Variants in SULF1 observed in about 807,000 individuals in gnomAD.
The protein encoded by SULF1 is extracellular sulfatase Sulf-1.
In SULF1, 46 loss-of-function variants were observed where a neutral mutation model predicts 110.5. The ratio of observed to expected loss-of-function variants is 0.42; its 90% CI spans 0.33 to 0.53. The LOEUF (loss-of-function observed/expected upper bound fraction) is 0.53, where lower values mean the gene tolerates loss of function less well. SULF1 is among the 20% of genes least tolerant of loss of function. The pLI is 0.12. For missense variants in SULF1, 941 were observed against 1,094.2 expected, an observed-to-expected ratio of 0.86 and a Z score of 1.98; for synonymous variants, 371 against 387.1, an observed-to-expected ratio of 0.96 and a Z score of 0.49.
At chr8:69,640,146 G>GGAAA (rs1169272374) in intron 21 of SULF1, among the ~76,000 whole-genome samples, 115 of 143,902 alleles carry the variant, frequency 8.0e-4, no homozygotes, top group Middle Eastern at 3.7e-3. Context: ...AAGGAAGGAA[G>GGAAA]GAAAGAAAGA....
intron 3 of SULF1, among the ~76,000 whole-genome samples, chr8:69,522,242 G>A (rs1241827010): frequency 6.6e-6 from 1 of 152,014 alleles, no homozygotes; most frequent in Admixed American, 6.6e-5. Context: ...GTAGAGATGG[G>A]GTTTCACCAT....
rs76184224 is a variant in SULF1 at position 69,511,969 on chromosome 8, C to T, written c.-134+10001C>T. Reference sequence around the variant, plus strand: ...TTCTATTTTGCCATTATTAAGATTCCCTCATTGAAAGATGAAAATAAAATT... The same window carrying T: ...TTCTATTTTGCCATTATTAAGATTCTCTCATTGAAAGATGAAAATAAAATT... On this transcript the variant is annotated intron_variant, in intron 3 of 22. Coordinates refer to ENST00000402687, the MANE Select transcript of SULF1 (RefSeq NM_001128205.2). 2.0e-5 allele frequency among the ~76,000 whole-genome samples: 3 copies of T among 152,028 alleles called. No individual in the cohort carries two copies. In the East Asian group the frequency reaches 5.8e-4, roughly 29 times the overall value.
intron 1 of SULF1, among the ~76,000 whole-genome samples, chr8:69,470,920 G>A (rs1013411566): frequency 1.3e-5 from 2 of 152,038 alleles, no homozygotes; most frequent in African/African-American, 4.8e-5. Context: ...AACCACTCTA[G>A]TTTTCTATCT....
intron 3 of SULF1, among the ~76,000 whole-genome samples, chr8:69,534,832 C>T (rs1031595207): frequency 1.3e-5 from 2 of 150,578 alleles, no homozygotes; most frequent in East Asian, 1.9e-4. Context: ...TAAACATAGA[C>T]GTCATCATTC....
At chr8:69,533,962 A>G (rs572632555) in intron 3 of SULF1, among the ~76,000 whole-genome samples, 4 of 152,248 alleles carry the variant, frequency 2.6e-5, no homozygotes, top group Non-Finnish European at 5.9e-5. Flanking sequence ...TGCAATGTTC[A>G]GTGCTAAAGT....
chr8:69,575,231 T>A (rs1805519283), intron 5 of SULF1, among the ~76,000 whole-genome samples: 1 of 152,084 alleles, frequency 6.6e-6, no homozygotes, highest in Non-Finnish European at 1.5e-5. Flanking sequence ...TCAGCAATCT[T>A]ACGTTACCAG....
intron 5 of SULF1, among the ~76,000 whole-genome samples, chr8:69,565,180 G>A (rs1815784113): frequency 6.6e-6 from 1 of 151,914 alleles, no homozygotes; most frequent in African/African-American, 2.4e-5. Context: ...TAAAAAGCCA[G>A]CAGATGTCAT....
In SULF1 at chr8:69,659,124, C is replaced by T. The variant is rs1232180461; in HGVS notation, c.*589C>T. 2 of 456,782 alleles carry T rather than the reference C, an allele frequency of 4.4e-6. No individual in the cohort carries two copies. Among genetic ancestry groups the T allele is most frequent in the Admixed American group, 2.3e-5 (1 of 42,582 alleles). 28.3% of individuals were successfully genotyped at this position (456,782 alleles called of 1,614,324 possible). A position where few individuals can be genotyped will look rare whatever the true frequency, so the allele number is the denominator to read the frequency against. ...CCCAGTATGGTGGTCCTGGAAAGGA[C>T]ATTTTTGAAGATCAACTATATCTTC... is the stretch of plus-strand genomic sequence containing the variant. On this transcript the variant is annotated 3_prime_UTR_variant, in exon 23 of 23. Coordinates refer to ENST00000402687, the MANE Select transcript of SULF1 (RefSeq NM_001128205.2).
At chr8:69,631,100 TAGAG>T (rs1810505572) in intron 19 of SULF1, among the ~76,000 whole-genome samples, 1 of 151,940 alleles carries the variant, frequency 6.6e-6, no homozygotes, top group Non-Finnish European at 1.5e-5. Context: ...ACCTAAAGGA[TAGAG>T]AGAAGCGATC....
intron 22 of SULF1, among the ~76,000 whole-genome samples, chr8:69,655,851 T>A (rs1296385476): frequency 1.3e-5 from 2 of 152,240 alleles, no homozygotes; most frequent in Non-Finnish European, 2.9e-5. Context: ...TTAGTTGCAT[T>A]ATTTCTAGCG....
intron 22 of SULF1, among the ~76,000 whole-genome samples, chr8:69,644,115 A>G (rs535244443): frequency 6.6e-5 from 10 of 152,182 alleles, no homozygotes; most frequent in Non-Finnish European, 1.3e-4. Flanking sequence ...CTCAGCAGCC[A>G]CGCTGTAACC....
chr8:69,498,723 GA>G (rs5892194), intron 2 of SULF1, among the ~76,000 whole-genome samples: 84,904 of 151,904 alleles, frequency 0.56, 24,216 homozygotes, highest in East Asian at 0.81. Context: ...GTGGAGGAGA[GA>G]AAAGTGGACT....
intron 1 of SULF1, among the ~76,000 whole-genome samples, chr8:69,472,988 C>T (rs982626308): frequency 2.0e-5 from 3 of 152,046 alleles, no homozygotes; most frequent in African/African-American, 7.2e-5. Context: ...CAGCATGCAC[C>T]ACCATACCCA....
Position 69,660,371 on chromosome 8 carries a change from A to G in SULF1, c.*1836A>G, listed in dbSNP as rs1006809158. On this transcript the variant is annotated 3_prime_UTR_variant, in exon 23 of 23. Transcript: ENST00000402687. ...TTTGTAAGACCTTCACCAAGTTCTG[A>G]TATCTTTTAAAGACATAGTTCAAAA... is the stretch of plus-strand genomic sequence containing the variant. 2 of 152,366 alleles carry G rather than the reference A, an allele frequency of 1.3e-5. No homozygotes were observed. The highest frequency in any genetic ancestry group is 4.8e-5 in the African/African-American group (2 of 41,460). The allele number at this position is 152,366 out of a possible 1,614,324, so 9.4% of individuals were successfully genotyped here. A position where few individuals can be genotyped will look rare whatever the true frequency, so the allele number is the denominator to read the frequency against.
intron 3 of SULF1, among the ~76,000 whole-genome samples, chr8:69,539,273 A>G (rs1447405947): frequency 6.6e-6 from 1 of 152,170 alleles, no homozygotes; most frequent in Non-Finnish European, 1.5e-5. Flanking sequence ...ACAACTTTTT[A>G]CTTTTTTTTA....
intron 10 of SULF1, 80 bp from the exon 11 acceptor site, chr8:69,603,112 C>G: frequency 6.3e-7 from 1 of 1,584,056 alleles, no homozygotes; most frequent in Non-Finnish European, 8.6e-7. Flanking sequence ...GCCAATGAGT[C>G]ACTGCTGTAG....
intron 6 of SULF1, among the ~76,000 whole-genome samples, chr8:69,578,882 G>A (rs1384613651): frequency 1.3e-5 from 2 of 152,098 alleles, no homozygotes; most frequent in African/African-American, 4.8e-5. Flanking sequence ...TAGGAAAAGG[G>A]GCTGGGTGCG....
intron 3 of SULF1, among the ~76,000 whole-genome samples, chr8:69,558,660 T>G (rs539212996): frequency 1.3e-5 from 2 of 152,208 alleles, no homozygotes; most frequent in Non-Finnish European, 2.9e-5. Context: ...GAGAAGCTTG[T>G]GACTAGGGCC....
chr8:69,645,620 C>T (rs1261287980), intron 22 of SULF1, among the ~76,000 whole-genome samples: 2 of 152,168 alleles, frequency 1.3e-5, no homozygotes, highest in Non-Finnish European at 2.9e-5. Context: ...GGAAGCTTTC[C>T]AAGGAGTTGG....
Sources: gnomAD v4.1 joint callset for allele counts (sites outside exome capture counted in the v4.1 genomes callset) on GRCh38, gnomAD v4.1.1 for gene constraint, MANE v1.5 for transcripts, NCBI Gene and HGNC (gene_info 2026-07-23, HGNC 2026-07-21) for gene names.